RALGPS1: variants seen among roughly 807,000 people sequenced by gnomAD.
RALGPS1 encodes Ral GEF with PH domain and SH3 binding motif 1.
In RALGPS1, 19 loss-of-function variants were observed where a neutral mutation model predicts 78.8. The ratio of observed to expected loss-of-function variants is 0.24; its 90% confidence interval spans 0.17 to 0.35. The LOEUF (loss-of-function observed/expected upper bound fraction) is 0.35. Ranked by LOEUF, RALGPS1 falls within the 10% of genes least tolerant of loss-of-function variation. RALGPS1 has a pLI of 1.00. For synonymous variants in RALGPS1, 228 were observed against 256.3 expected (o/e 0.89, Z 1.06); for missense variants, 454 against 688.3 (o/e 0.66, Z 3.81).
chr9:127,195,010 C>T, intron 11 of RALGPS1, 81 bp from the exon 12 acceptor site: 1 of 1,553,540 alleles, frequency 6.4e-7, no homozygotes, highest in Non-Finnish European at 8.8e-7. Flanking sequence ...CGGGGCCCAC[C>T]TCCACACCTC....
chr9:127,108,333 C>A (rs1185985724), intron 8 of RALGPS1: 1 of 1,613,178 alleles, frequency 6.2e-7, no homozygotes, highest in East Asian at 2.2e-5. Flanking sequence ...GCTGCGTGAC[C>A]CGCGAGTTCA....
At chr9:126,983,528 T>C (rs2041519598) in intron 4 of RALGPS1, among the ~76,000 whole-genome samples, 1 of 152,174 alleles carries the variant, frequency 6.6e-6, no homozygotes, top group Non-Finnish European at 1.5e-5. Context: ...TTAACAAAAT[T>C]AGCAATAATT....
chr9:127,093,435 G>A (rs538049645), intron 8 of RALGPS1, among the ~76,000 whole-genome samples: 62 of 152,250 alleles, frequency 4.1e-4, no homozygotes, highest in Admixed American at 9.2e-4. Flanking sequence ...CCATACCAGC[G>A]TTTCTAAACT....
intron 8 of RALGPS1, among the ~76,000 whole-genome samples, chr9:127,159,309 T>G (rs548748552): frequency 1.3e-5 from 2 of 152,290 alleles, no homozygotes; most frequent in Admixed American, 1.3e-4. Flanking sequence ...GGATCTATAG[T>G]TGTGTCCTCA....
intron 8 of RALGPS1, among the ~76,000 whole-genome samples, chr9:127,071,238 T>G (rs1331109963): frequency 1.3e-5 from 2 of 152,094 alleles, no homozygotes; most frequent in Non-Finnish European, 2.9e-5. Flanking sequence ...GTTTGTCTAT[T>G]GGTCTTTCCA....
rs569172698 is a variant in RALGPS1, at chr9:127,076,164, C to T, written c.610+6808C>T. ...ATCTGATAGCAGCTCCTTGCAAATA[C>T]CCGGTTAGATTGGAATGATAACAAA... On this transcript the variant is annotated intron_variant, in intron 8 of 18. Coordinates refer to ENST00000259351, the MANE Select transcript of RALGPS1 (RefSeq NM_014636.3). 5.9e-5 allele frequency among the ~76,000 whole-genome samples: 9 copies of T among 152,312 alleles called. No homozygotes were observed. The South Asian group carries it at 1.7e-3, about 28-fold the overall frequency.
intron 5 of RALGPS1, among the ~76,000 whole-genome samples, chr9:127,041,694 G>A (rs532992440): frequency 6.6e-6 from 1 of 152,292 alleles, no homozygotes; most frequent in African/African-American, 2.4e-5. Context: ...GTAGGGGAAG[G>A]AAAACATGTT....
Position 127,218,875 on chromosome 9 carries a change from ACT to A in RALGPS1, c.*108_*109del. On this transcript the variant is annotated 3_prime_UTR_variant, in exon 19 of 19. Coordinates refer to ENST00000259351, the MANE Select transcript of RALGPS1 (RefSeq NM_014636.3). The surrounding 1 kb of genome is among the most constrained non-coding windows in gnomAD (Gnocchi z 4.4). ...AGGCTGTGAGCCAGGGTGCTGGGAAACTCACAGCTGGACTCAGGGGACACGGC... is the reference window on the plus strand; with the variant it reads ...AGGCTGTGAGCCAGGGTGCTGGGAAACACAGCTGGACTCAGGGGACACGGC... The A allele has an allele frequency of 7.6e-7, 1 of 1,321,746 alleles. No homozygotes were observed. The highest frequency in any genetic ancestry group is 1.1e-6 in the Non-Finnish European group (1 of 916,352). 81.9% of individuals were successfully genotyped at this position (1,321,746 alleles called of 1,614,324 possible). A position where few individuals can be genotyped will look rare whatever the true frequency, so the allele number is the denominator to read the frequency against.
intron 8 of RALGPS1, among the ~76,000 whole-genome samples, chr9:127,128,792 A>T (rs2056809549): frequency 6.6e-6 from 1 of 152,160 alleles, no homozygotes; most frequent in African/African-American, 2.4e-5. Context: ...GACTTGTGGG[A>T]CGATTCTAAG....
At chr9:127,166,646 G>A (rs1412664770) in intron 9 of RALGPS1, among the ~76,000 whole-genome samples, 2 of 152,204 alleles carry the variant, frequency 1.3e-5, no homozygotes, top group African/African-American at 4.8e-5. Context: ...TGCAGGATGA[G>A]AGAGAACCAT....
intron 8 of RALGPS1, among the ~76,000 whole-genome samples, chr9:127,092,675 A>G (rs190236112): frequency 6.6e-6 from 1 of 152,336 alleles, no homozygotes; most frequent in East Asian, 1.9e-4. Flanking sequence ...TGAGGCCCAG[A>G]GAGGCTCAGG....
rs368572384 is a variant in RALGPS1, at chr9:127,212,598, G to A, written c.1354-29G>A. 2.0e-6 allele frequency: 3 copies of A among 1,519,506 alleles called. No homozygotes were observed. The highest frequency in any genetic ancestry group is 2.8e-5 in the African/African-American group (2 of 72,294). The allele number at this position is 1,519,506 out of a possible 1,614,324, so 94.1% of individuals were successfully genotyped here. On this transcript the variant is annotated intron_variant, in intron 15 of 18. Transcript: ENST00000259351. This position sits in a 1 kb window ranked among gnomAD's most constrained non-coding sequence, Gnocchi z 6.0. ...TCCTCTACCCCCACGACCCCTGGTGGCATCACTCAGCCTCCCCTTCCTCTG... is the reference window on the plus strand; with the variant it reads ...TCCTCTACCCCCACGACCCCTGGTGACATCACTCAGCCTCCCCTTCCTCTG...
chr9:127,037,847 A>G (rs560461389), intron 5 of RALGPS1, among the ~76,000 whole-genome samples: 1 of 152,268 alleles, frequency 6.6e-6, no homozygotes, highest in South Asian at 2.1e-4. Flanking sequence ...CACTGTGACC[A>G]GGAAGACATG....
At chr9:127,130,708 T>G (rs1159926102) in intron 8 of RALGPS1, among the ~76,000 whole-genome samples, 3 of 152,242 alleles carry the variant, frequency 2.0e-5, no homozygotes, top group Admixed American at 6.5e-5. Context: ...AACAACCTTA[T>G]GAGCTACGGT....
At chr9:127,073,239 C>T (rs911423530) in intron 8 of RALGPS1, among the ~76,000 whole-genome samples, 3 of 152,168 alleles carry the variant, frequency 2.0e-5, no homozygotes, top group African/African-American at 7.2e-5. Flanking sequence ...TCCTTCCCAC[C>T]CACACACACT....
chr9:126,953,882 T>G (rs1266022877), intron 1 of RALGPS1, among the ~76,000 whole-genome samples: 1 of 152,242 alleles, frequency 6.6e-6, no homozygotes, highest in Non-Finnish European at 1.5e-5. Context: ...TATTTGCTGC[T>G]GTGTCCCCAG....
intron 17 of RALGPS1, chr9:127,214,191 G>GA (rs1012853539): frequency 2.0e-4 from 30 of 148,940 alleles, no homozygotes; most frequent in African/African-American, 3.2e-4. Flanking sequence ...AACTTGGGTG[G>GA]AAAAAAAAAA....
At chr9:127,052,960 C>G (rs1564491064) in intron 7 of RALGPS1, 21 bp downstream of exon 7, 2 of 1,498,974 alleles carry the variant, frequency 1.3e-6, no homozygotes, top group Non-Finnish European at 1.9e-6. Context: ...CTCCCTAAGT[C>G]TATCTAATTT....
chr9:127,086,959 T>G (rs2051825288), intron 8 of RALGPS1, among the ~76,000 whole-genome samples: 1 of 152,148 alleles, frequency 6.6e-6, no homozygotes, highest in South Asian at 2.1e-4. Flanking sequence ...TGGATTGTCC[T>G]TGGCAGGGGA....
Sources: allele counts gnomAD v4.1 joint callset (sites outside exome capture counted in the v4.1 genomes callset), GRCh38; gene constraint gnomAD v4.1.1; non-coding constraint Gnocchi (gnomAD v3.1); transcripts MANE v1.5; gene names NCBI Gene and HGNC (gene_info 2026-07-23, HGNC 2026-07-21).